The following ATP11A variants were observed in gnomAD, a reference collection of about 807,000 sequenced individuals.
The protein encoded by ATP11A is phospholipid-transporting ATPase IH.
In ATP11A, 81 loss-of-function variants were observed where a neutral mutation model predicts 154.4. The ratio of observed to expected loss-of-function variants is 0.52; its 90% CI spans 0.44 to 0.63. The LOEUF (loss-of-function observed/expected upper bound fraction) is 0.63, where lower values mean the gene tolerates loss of function less well. Among genes scored for constraint, ATP11A ranks in the 30% least tolerant of loss-of-function variants. The pLI is 0.00. For missense variants in ATP11A, 1,316 were observed against 1,474.3 expected (o/e 0.89, Z 1.76); for synonymous variants, 623 against 585.9 (o/e 1.06, Z -0.91).
Position 112,882,380 on chromosome 13 carries a change from T to C in ATP11A, c.*514T>C, listed in dbSNP as rs2140457042. ...GGACCCATGGTGGCCCACATGTGGA[T>C]GCCACATGCTGCTGTTTCCTGCTTG... On this transcript the variant is annotated 3_prime_UTR_variant, in exon 30 of 30. Transcript: ENST00000375645. The surrounding 1 kb of genome is among the most constrained non-coding windows in gnomAD (Gnocchi z 5.1). 2 of 372,224 alleles carry C rather than the reference T, an allele frequency of 5.4e-6. No homozygotes were observed. The highest frequency in any genetic ancestry group is 1.0e-5 in the Non-Finnish European group (2 of 197,912). The allele number at this position is 372,224 out of a possible 1,614,324, so 23.1% of individuals were successfully genotyped here.
At chr13:112,715,717 C>T (rs1888387993) in intron 1 of ATP11A, among the ~76,000 whole-genome samples, 1 of 151,094 alleles carries the variant, frequency 6.6e-6, no homozygotes, top group Non-Finnish European at 1.5e-5. Flanking sequence ...CAAAGACAAC[C>T]CTAACCTGTG....
rs1045674791 is a variant in ATP11A at position 112,875,100 on chromosome 13, G to A, written c.3162-676G>A. ...CCATCCCAGGTCTGCCAGCAGCTGC[G>A]TGTCCCTCCCGTTACCCACCATGCC... is the stretch of plus-strand genomic sequence containing the variant. On this transcript the variant is annotated intron_variant, in intron 27 of 29. Transcript: ENST00000375645. This position sits in a 1 kb window ranked among gnomAD's most constrained non-coding sequence, Gnocchi z 4.1. Among the ~76,000 whole-genome samples the A allele has an allele frequency of 1.3e-5, 2 of 152,110 alleles. No individual in the cohort carries two copies.
chr13:112,848,698 T>C (rs970836386), intron 17 of ATP11A, among the ~76,000 whole-genome samples: 1 of 152,208 alleles, frequency 6.6e-6, no homozygotes, highest in African/African-American at 2.4e-5. Flanking sequence ...TTTCTTTTCT[T>C]TTTTTTGAGA....
Position 112,781,278 on chromosome 13 carries a change from G to A in ATP11A, c.40-3857G>A, listed in dbSNP as rs546864123. On this transcript the variant is annotated intron_variant, in intron 1 of 29. Coordinates refer to ENST00000375645, the MANE Select transcript of ATP11A (RefSeq NM_015205.3). ...TGGTCTTGAACTCCTGGCCTCAAGC[G>A]CTCCGCCTGCCTTCGCCTCCCAAAG... is the stretch of plus-strand genomic sequence containing the variant. Among the ~76,000 whole-genome samples the A allele has an allele frequency of 7.9e-5, 12 of 152,032 alleles. No individual in the cohort carries two copies. In the East Asian group the frequency reaches 1.5e-3, roughly 20 times the overall value.
intron 19 of ATP11A, among the ~76,000 whole-genome samples, chr13:112,855,111 AATGTT>A (rs1382369597): frequency 2.0e-5 from 3 of 152,244 alleles, no homozygotes; most frequent in African/African-American, 7.2e-5. Flanking sequence ...AATTTACACA[AATGTT>A]AAGTTATTCA....
chr13:112,705,557 G>A (rs1187451907), intron 1 of ATP11A, among the ~76,000 whole-genome samples: 1 of 152,198 alleles, frequency 6.6e-6, no homozygotes. Flanking sequence ...AATGAGAAGG[G>A]AAGGGTGTCC....
chr13:112,800,238 C>G (rs575258695), intron 2 of ATP11A, among the ~76,000 whole-genome samples: 1 of 149,274 alleles, frequency 6.7e-6, no homozygotes, highest in Non-Finnish European at 1.5e-5. Flanking sequence ...TCAATAAAAT[C>G]AATAAAACTT....
intron 12 of ATP11A, among the ~76,000 whole-genome samples, chr13:112,827,704 A>G (rs2078969089): frequency 6.6e-6 from 1 of 152,242 alleles, no homozygotes; most frequent in Non-Finnish European, 1.5e-5. Context: ...TTTAGCAAAC[A>G]AGGCCACTTT....
In ATP11A at chr13:112,824,349, G is replaced by T. The variant is rs1052314897; in HGVS notation, c.796G>T (p.Ala266Ser). Residue 266 changes from alanine (A) to serine (S), a missense_variant, in exon 10 of 30, where the codon GCT (alanine) becomes TCT (serine). Transcript: ENST00000375645. ...LKNTEKIFGV[A>S]IYTGMETKMA... ...CTTGCTCTTCCTCTCTGTAGGTGTG[G>T]CTATTTACACGGGAATGGAAACCAA... 1 of 1,613,512 alleles carries T rather than the reference G, an allele frequency of 6.2e-7. No individual in the cohort carries two copies. The highest frequency in any genetic ancestry group is 8.5e-7 in the Non-Finnish European group (1 of 1,179,546).
At position 112,753,109 on chromosome 13, in the gene ATP11A, T is replaced by A. The variant is rs2076734023; in HGVS notation, c.40-32026T>A. ...GTTCCCAATGACATATACGGTGGCT[T>A]ACAGTTACCCCGGCCCAGACTTTTT... On this transcript the variant is annotated intron_variant, in intron 1 of 29. Transcript: ENST00000375645. The surrounding 1 kb of genome is among the most constrained non-coding windows in gnomAD (Gnocchi z 4.1). Among the ~76,000 whole-genome samples the A allele has an allele frequency of 6.6e-6, 1 of 152,170 alleles. No individual in the cohort carries two copies. The highest frequency in any genetic ancestry group is 6.5e-5 in the Admixed American group (1 of 15,282).
chr13:112,863,844 A>ATAGCTCTGG, intron 25 of ATP11A, among the ~76,000 whole-genome samples: 2 of 88,062 alleles, frequency 2.3e-5, no homozygotes, highest in East Asian at 7.7e-4. Flanking sequence ...CCACCTGCGC[A>ATAGCTCTGG]GTAATTCAGT....
chr13:112,820,439 G>A (rs1048370718), intron 8 of ATP11A, among the ~76,000 whole-genome samples: 1 of 152,236 alleles, frequency 6.6e-6, no homozygotes, highest in African/African-American at 2.4e-5. Context: ...AGGTGGAATC[G>A]GTAGCCGGGG....
chr13:112,702,743 G>A (rs1243343461), intron 1 of ATP11A, among the ~76,000 whole-genome samples: 2 of 152,208 alleles, frequency 1.3e-5, no homozygotes, highest in African/African-American at 2.4e-5. Flanking sequence ...AGAGGAAGGC[G>A]GCCAGAGGCA....
In ATP11A at chr13:112,706,597, A is replaced by C. The variant is rs542649024; in HGVS notation, c.39+16142A>C. 2.4e-4 allele frequency among the ~76,000 whole-genome samples: 37 copies of C among 152,364 alleles called. 1 individual carries two copies. Among genetic ancestry groups the C allele is most frequent in the Admixed American group, 2.0e-4 (3 of 15,304 alleles). ...TTTTACTATCTAAGAAATTATGAAG[A>C]AATAGATTGATTAATTTGAAAATTA... On this transcript the variant is annotated intron_variant, in intron 1 of 29. Coordinates refer to ENST00000375645, the MANE Select transcript of ATP11A (RefSeq NM_015205.3).
At chr13:112,757,990 C>T (rs2076880258) in intron 1 of ATP11A, among the ~76,000 whole-genome samples, 1 of 152,220 alleles carries the variant, frequency 6.6e-6, no homozygotes, top group Non-Finnish European at 1.5e-5. Context: ...GAGTCCACGC[C>T]ACATGCACGA....
intron 11 of ATP11A, among the ~76,000 whole-genome samples, chr13:112,825,975 A>G (rs938383625): frequency 1.3e-5 from 2 of 152,068 alleles, no homozygotes; most frequent in African/African-American, 4.8e-5. Flanking sequence ...ACCTGTGTCC[A>G]CTGAGCCTAG....
At chr13:112,827,863 T>C (rs1371964717) in intron 12 of ATP11A, among the ~76,000 whole-genome samples, 1 of 152,246 alleles carries the variant, frequency 6.6e-6, no homozygotes, top group African/African-American at 2.4e-5. Flanking sequence ...AGTTTGACTT[T>C]TGAATGTGTT....
chr13:112,843,062 T>TG (rs1477927530), intron 17 of ATP11A, among the ~76,000 whole-genome samples: 2 of 151,450 alleles, frequency 1.3e-5, no homozygotes, highest in Non-Finnish European at 2.9e-5. Flanking sequence ...CTCCGGGTGA[T>TG]GCGTGGCTGG....
intron 1 of ATP11A, among the ~76,000 whole-genome samples, chr13:112,779,217 C>T (rs1209740791): frequency 6.8e-5 from 9 of 132,288 alleles, no homozygotes; most frequent in African/African-American, 2.1e-4. Context: ...AGTGAGTAGC[C>T]GCTGGAGTGA....
Sources: gnomAD v4.1 joint callset for allele counts (sites outside exome capture counted in the v4.1 genomes callset) on GRCh38, gnomAD v4.1.1 for gene constraint, Gnocchi (gnomAD v3.1) non-coding constraint, MANE v1.5 for transcripts, NCBI Gene and HGNC (gene_info 2026-07-23, HGNC 2026-07-21) for gene names.